The following SOX5 variants were observed in gnomAD, a reference collection of about 807,000 sequenced individuals.
The protein encoded by SOX5 is transcription factor SOX-5.
SOX5 carries 9 observed loss-of-function variants against 92.0 expected under a neutral mutation model. The observed-to-expected ratio is 0.10, with a 90% CI of 0.06 to 0.17. SOX5 has a LOEUF of 0.17. Among genes scored for constraint, SOX5 ranks in the 10% least tolerant of loss-of-function variants. The probability of loss-of-function intolerance (pLI) is 1.00; values close to 1 mark genes in which losing one functional copy is unlikely to be tolerated. For missense variants in SOX5, 642 were observed against 944.5 expected, an observed-to-expected ratio of 0.68 and a Z score of 4.20; for synonymous variants, 344 against 336.3, an observed-to-expected ratio of 1.02 and a Z score of -0.25.
intron 2 of SOX5, among the ~76,000 whole-genome samples, chr12:23,884,682 T>C (rs1194665466): frequency 1.3e-5 from 2 of 152,212 alleles, no homozygotes; most frequent in Non-Finnish European, 2.9e-5. Context: ...ATTAAGTGCT[T>C]GGGTTCTAAA....
intron 4 of SOX5, among the ~76,000 whole-genome samples, chr12:24,100,395 A>G (rs1498884): frequency 0.062 from 9,403 of 152,212 alleles, 341 homozygotes; most frequent in Admixed American, 0.13. Flanking sequence ...ACTACATTTC[A>G]CCAAAGTCAG....
intron 7 of SOX5, among the ~76,000 whole-genome samples, chr12:23,658,560 G>T (rs2082612773): frequency 6.6e-6 from 1 of 152,140 alleles, no homozygotes; most frequent in Admixed American, 6.5e-5. Context: ...GAAGGCAGAG[G>T]AGAGGGGAAG....
chr12:23,742,601 A>C (rs2093837882), intron 4 of SOX5, among the ~76,000 whole-genome samples: 1 of 152,150 alleles, frequency 6.6e-6, no homozygotes, highest in Non-Finnish European at 1.5e-5. Context: ...TAGAGAAGTA[A>C]ATTTCTACCA....
chr12:24,494,325 T>A lies in SOX5; in HGVS notation c.-251+68004A>T, dbSNP rs140598333. Among the ~76,000 whole-genome samples the A allele has an allele frequency of 9.8e-3, 1,495 of 152,356 alleles. 18 individuals are homozygous for A. Among genetic ancestry groups the A allele is most frequent in the Non-Finnish European group, 0.016 (1,069 of 68,026 alleles). Reference sequence around the variant, plus strand: ...GGTTTACTGCTCCCTGATGATCAGTTGCCAGGGCAAGAAACTGGAAAATGT... The same window carrying A: ...GGTTTACTGCTCCCTGATGATCAGTAGCCAGGGCAAGAAACTGGAAAATGT... On this transcript the variant is annotated intron_variant, in intron 1 of 4. Coordinates refer to the SOX5 transcript ENST00000446891.
rs189649227 is a variant in SOX5 at position 24,264,403 on chromosome 12, A to G, written c.-77+12813T>C. On this transcript the variant is annotated intron_variant, in intron 3 of 4. Coordinates refer to the SOX5 transcript ENST00000446891. Reference sequence around the variant, plus strand: ...TGTAAATATTTGTCTATGAATTTTGATATCAGTATGAAGTTTAAAAATAGA... The same window carrying G: ...TGTAAATATTTGTCTATGAATTTTGGTATCAGTATGAAGTTTAAAAATAGA... 2.3e-3 allele frequency among the ~76,000 whole-genome samples: 357 copies of G among 152,266 alleles called. 1 individual carries two copies. Among genetic ancestry groups the G allele is most frequent in the Non-Finnish European group, 3.5e-3 (239 of 68,016 alleles).
intron 3 of SOX5, among the ~76,000 whole-genome samples, chr12:24,271,480 C>A (rs1200800636): frequency 6.6e-6 from 1 of 152,036 alleles, no homozygotes. Flanking sequence ...GTTTTTCACT[C>A]TTTTTATGGC....
intron 10 of SOX5, among the ~76,000 whole-genome samples, chr12:23,567,642 G>A (rs1249575652): frequency 6.6e-6 from 1 of 151,702 alleles, no homozygotes; most frequent in African/African-American, 2.4e-5. Context: ...TTTTTGTAGA[G>A]ATGGAGTCTT....
rs988035419 is a variant in SOX5, at chr12:23,532,225, T to C, written c.*1994A>G. On this transcript the variant is annotated 3_prime_UTR_variant, in exon 15 of 15. Coordinates refer to ENST00000451604, the MANE Select transcript of SOX5 (RefSeq NM_006940.6). ...AAACAGAAAAACAAACAAAATGAAATCTCTGACATGCAGGATATGATCAGC... is the reference window on the plus strand; with the variant it reads ...AAACAGAAAAACAAACAAAATGAAACCTCTGACATGCAGGATATGATCAGC... The C allele has an allele frequency of 6.6e-6, 1 of 151,456 alleles. No individual in the cohort carries two copies. Among genetic ancestry groups the C allele is most frequent in the African/African-American group, 2.4e-5 (1 of 41,180 alleles). The allele number at this position is 151,456 out of a possible 1,614,324, so 9.4% of individuals were successfully genotyped here. A position where few individuals can be genotyped will look rare whatever the true frequency, so the allele number is the denominator to read the frequency against.
intron 8 of SOX5, among the ~76,000 whole-genome samples, chr12:23,631,988 C>T (rs1259341559): frequency 7.2e-5 from 11 of 152,106 alleles, no homozygotes; most frequent in Non-Finnish European, 1.5e-5. Flanking sequence ...TGGGCTCTGA[C>T]TCTAGCCCAT....
chr12:24,250,753 T>C (rs868663131), intron 3 of SOX5, among the ~76,000 whole-genome samples: 17 of 152,292 alleles, frequency 1.1e-4, no homozygotes, highest in Middle Eastern at 6.8e-3. Flanking sequence ...TCACTGAAGG[T>C]ACCCAAACAG....
At chr12:23,793,571 C>T (rs1161351889) in intron 3 of SOX5, among the ~76,000 whole-genome samples, 1 of 152,154 alleles carries the variant, frequency 6.6e-6, no homozygotes, top group Non-Finnish European at 1.5e-5. Flanking sequence ...AAGTGCCTTT[C>T]TGCAGAATTT....
intron 10 of SOX5, among the ~76,000 whole-genome samples, chr12:23,573,839 A>ATGT (rs1339232492): frequency 1.3e-5 from 2 of 152,162 alleles, no homozygotes; most frequent in African/African-American, 2.4e-5. Flanking sequence ...AAGCAGCCCT[A>ATGT]GGGACAGGCC....
At chr12:23,866,163 A>G (rs2096810554) in intron 2 of SOX5, among the ~76,000 whole-genome samples, 1 of 152,218 alleles carries the variant, frequency 6.6e-6, no homozygotes, top group South Asian at 2.1e-4. Flanking sequence ...GTATACAAAC[A>G]TTTACATACA....
intron 4 of SOX5, among the ~76,000 whole-genome samples, chr12:24,019,979 T>C (rs1241050731): frequency 1.3e-5 from 2 of 152,182 alleles, no homozygotes; most frequent in Non-Finnish European, 2.9e-5. Context: ...CAAAGCAAGT[T>C]TGGTGGAGCT....
chr12:24,222,689 T>A (rs768120208), intron 3 of SOX5, among the ~76,000 whole-genome samples: 1 of 152,148 alleles, frequency 6.6e-6, no homozygotes, highest in Admixed American at 6.6e-5. Context: ...TGGGAGGGGA[T>A]AGGATTAATA....
chr12:23,736,721 C>G (rs1555303689), intron 5 of SOX5, among the ~76,000 whole-genome samples: 1 of 126,156 alleles, frequency 7.9e-6, no homozygotes, highest in African/African-American at 3.1e-5. Flanking sequence ...CAGAGTTTTG[C>G]TCTTTGTTGC....
At chr12:24,560,070 C>T (rs1954182404) in intron 1 of SOX5, among the ~76,000 whole-genome samples, 1 of 152,084 alleles carries the variant, frequency 6.6e-6, no homozygotes, top group African/African-American at 2.4e-5. Flanking sequence ...TGGATCAATA[C>T]TACCCACTCA....
Position 23,529,937 on chromosome 12 carries a change from C to T in SOX5, c.*4282G>A, listed in dbSNP as rs1158656165. On this transcript the variant is annotated 3_prime_UTR_variant, in exon 15 of 15. Transcript: ENST00000451604. ...ACTAAGAGCTTTAGAGCCAGTGGAG[C>T]TATATAAATACTGTTTTAGTGAACC... 6.6e-6 allele frequency: 1 copy of T among 152,098 alleles called. No homozygotes were observed. The highest frequency in any genetic ancestry group is 2.4e-5 in the African/African-American group (1 of 41,418). 9.4% of individuals were successfully genotyped at this position (152,098 alleles called of 1,614,324 possible). A position where few individuals can be genotyped will look rare whatever the true frequency, so the allele number is the denominator to read the frequency against.
chr12:23,682,379 T>A (rs985300311), intron 6 of SOX5, among the ~76,000 whole-genome samples: 1 of 151,776 alleles, frequency 6.6e-6, no homozygotes, highest in African/African-American at 2.4e-5. Flanking sequence ...AACATTTACT[T>A]GTGAATTGAG....
Sources: allele counts gnomAD v4.1 joint callset (sites outside exome capture counted in the v4.1 genomes callset), GRCh38; gene constraint gnomAD v4.1.1; transcripts MANE v1.5; gene names NCBI Gene and HGNC (gene_info 2026-07-23, HGNC 2026-07-21).